Variants in SLC27A6 observed in about 807,000 individuals in gnomAD.
The protein encoded by SLC27A6 is solute carrier family 27 member 6, also known as long-chain fatty acid transport protein 6.
SLC27A6 carries 74 observed loss-of-function variants against 63.9 expected under a neutral mutation model. The ratio of observed to expected loss-of-function variants is 1.16; its 90% confidence interval spans 0.96 to 1.40. The LOEUF (loss-of-function observed/expected upper bound fraction) is 1.40, where lower values mean the gene tolerates loss of function less well. Among genes scored for constraint, SLC27A6 ranks in the 40% most tolerant of loss-of-function variants. SLC27A6 has a pLI of 0.00. For missense variants in SLC27A6, 794 were observed against 732.9 expected (o/e 1.08, Z -0.96); for synonymous variants, 287 against 260.8 (o/e 1.10, Z -0.97).
At chr5:128,966,700 C>A (rs980031295) in intron 1 of SLC27A6, 82 bp downstream of exon 1, 3 of 1,316,094 alleles carry the variant, frequency 2.3e-6, no homozygotes, top group East Asian at 2.7e-5. Context: ...TAGGATAATT[C>A]GTAACTAATA....
At chr5:129,010,412 G>C (rs1418054753) in intron 4 of SLC27A6, among the ~76,000 whole-genome samples, 2 of 152,214 alleles carry the variant, frequency 1.3e-5, no homozygotes, top group Non-Finnish European at 2.9e-5. Context: ...TTGCAGATGT[G>C]ATTACAGTTA....
intron 5 of SLC27A6, among the ~76,000 whole-genome samples, chr5:129,023,269 A>G (rs1054990798): frequency 6.6e-6 from 1 of 152,112 alleles, no homozygotes; most frequent in Non-Finnish European, 1.5e-5. Flanking sequence ...TTTTAAATAA[A>G]TGGCTGCAGA....
At chr5:128,988,976 T>C (rs1182965665) in intron 3 of SLC27A6, among the ~76,000 whole-genome samples, 1 of 152,182 alleles carries the variant, frequency 6.6e-6, no homozygotes, top group Non-Finnish European at 1.5e-5. Flanking sequence ...TTTGGCCATG[T>C]GGTCGGAGCT....
chr5:129,011,470 A>G (rs1379452533), intron 4 of SLC27A6, among the ~76,000 whole-genome samples: 1 of 152,208 alleles, frequency 6.6e-6, no homozygotes. Flanking sequence ...TACCTGCTCA[A>G]CACTTTGTCA....
chr5:129,030,345 C>G (rs916286161), intron 9 of SLC27A6, among the ~76,000 whole-genome samples: 1 of 151,848 alleles, frequency 6.6e-6, no homozygotes. Context: ...TATAATTTCC[C>G]AAAATTATTA....
At chr5:128,993,710 C>G (rs1322787136) in intron 4 of SLC27A6, among the ~76,000 whole-genome samples, 3 of 152,076 alleles carry the variant, frequency 2.0e-5, no homozygotes, top group Admixed American at 6.6e-5. Flanking sequence ...TTCTTTTTAA[C>G]TCTCTGAATC....
rs1391986997 is a variant in SLC27A6, at chr5:128,966,003, C to G, written c.-135C>G. 5.6e-6 allele frequency: 6 copies of G among 1,075,078 alleles called. No homozygotes were observed. Among genetic ancestry groups the G allele is most frequent in the South Asian group, 2.8e-5 (1 of 35,906 alleles). The allele number at this position is 1,075,078 out of a possible 1,614,324, so 66.6% of individuals were successfully genotyped here. ...GATTCCTCCCCATCCCGCTTCGCCC[C>G]GGAAAAGCTGACAAGAACTTCAGGT... On this transcript the variant is annotated 5_prime_UTR_variant, in exon 1 of 10. Transcript: ENST00000262462.
At chr5:128,977,570 A>G (rs1474776985) in intron 1 of SLC27A6, among the ~76,000 whole-genome samples, 1 of 152,214 alleles carries the variant, frequency 6.6e-6, no homozygotes, top group Non-Finnish European at 1.5e-5. Context: ...TAAGCCCTTC[A>G]GGCTTTTATG....
chr5:128,966,627 TGG>T lies in SLC27A6; in HGVS notation c.481+12_481+13del, dbSNP rs760101841. On this transcript the variant is annotated intron_variant, in intron 1 of 9. Coordinates refer to ENST00000262462, the MANE Select transcript of SLC27A6 (RefSeq NM_001017372.3). ...CCTAGTGGTGGGCGCAGGTAGAGTA[TGG>T]GGTGTGGTCTGCCTATACAGAATGG... The T allele has an allele frequency of 1.9e-5, 28 of 1,507,356 alleles. No individual in the cohort carries two copies. The highest frequency in any genetic ancestry group is 2.1e-5 in the Non-Finnish European group (24 of 1,136,836). 93.4% of individuals were successfully genotyped at this position (1,507,356 alleles called of 1,614,324 possible). A position where few individuals can be genotyped will look rare whatever the true frequency, so the allele number is the denominator to read the frequency against.
intron 1 of SLC27A6, among the ~76,000 whole-genome samples, chr5:128,973,729 A>C (rs966754212): frequency 6.6e-6 from 1 of 152,178 alleles, no homozygotes; most frequent in Non-Finnish European, 1.5e-5. Context: ...TGTGTTTCCC[A>C]GGTGAGGCGA....
intron 2 of SLC27A6, among the ~76,000 whole-genome samples, chr5:128,988,123 A>G (rs1307509256): frequency 6.6e-6 from 1 of 152,206 alleles, no homozygotes; most frequent in Non-Finnish European, 1.5e-5. Flanking sequence ...AAGTCAGAAG[A>G]TTATAGAGCA....
chr5:128,985,469 A>C, intron 2 of SLC27A6, 133 bp downstream of exon 2: 13 of 686,760 alleles, frequency 1.9e-5, no homozygotes, highest in Non-Finnish European at 3.0e-5. Flanking sequence ...TAAGGATCTC[A>C]GAGGCTAGAA....
At chr5:129,011,521 C>G (rs1751726983) in intron 4 of SLC27A6, among the ~76,000 whole-genome samples, 1 of 152,196 alleles carries the variant, frequency 6.6e-6, no homozygotes, top group South Asian at 2.1e-4. Context: ...AGCTGCTTGA[C>G]TGGCTCACCA....
chr5:128,985,240 C>T lies in SLC27A6; in HGVS notation c.589C>T (p.Leu197=), dbSNP rs763517608. The change falls in exon 2 of 10, where the codon CTG becomes TTG. Residue 197 remains leucine, a synonymous_variant. Transcript: ENST00000262462. ...PQGVISLKEK[L]STSPDEPVPR... ...AGGTGTAATTTCACTCAAAGAAAAA[C>T]TGAGCACCTCACCTGATGAGCCCGT... 31 of 1,613,904 alleles carry T rather than the reference C, an allele frequency of 1.9e-5. No homozygotes were observed. Among genetic ancestry groups the T allele is most frequent in the Non-Finnish European group, 1.7e-6 (2 of 1,179,950 alleles).
Position 128,966,044 on chromosome 5 carries a change from TG to T in SLC27A6, c.-93del. ...AACTTCAGGTGTAAGCCCTGAGTAG[TG>T]AGGATCTGCGGTCTCCGTGGAGAGC... On this transcript the variant is annotated 5_prime_UTR_variant, in exon 1 of 10. Transcript: ENST00000262462. The T allele has an allele frequency of 7.0e-7, 1 of 1,437,402 alleles. No homozygotes were observed. The highest frequency in any genetic ancestry group is 2.3e-5 in the East Asian group (1 of 43,070). 89.0% of individuals were successfully genotyped at this position (1,437,402 alleles called of 1,614,324 possible).
intron 9 of SLC27A6, among the ~76,000 whole-genome samples, chr5:129,030,564 G>T (rs1466534309): frequency 1.3e-5 from 2 of 151,782 alleles, no homozygotes. Context: ...TTTTGATTTT[G>T]AGTTTTTACA....
chr5:128,966,283 A>G lies in SLC27A6; in HGVS notation c.146A>G (p.Lys49Arg), dbSNP rs1749888856. ...ATAATTCGGCTGAAGAAGTATGAAAAGAGAGGGGAGCTGGTGACTGTGCTG... is the reference window on the plus strand; with the variant it reads ...ATAATTCGGCTGAAGAAGTATGAAAGGAGAGGGGAGCTGGTGACTGTGCTG... ...LIIIRLKKYE[K>R]RGELVTVLDK... Residue 49 changes from lysine (K) to arginine (R), a missense_variant, in exon 1 of 10, where the codon AAG becomes AGG. Coordinates refer to ENST00000262462, the MANE Select transcript of SLC27A6 (RefSeq NM_001017372.3). 1.2e-6 allele frequency: 2 copies of G among 1,613,870 alleles called. No individual in the cohort carries two copies. Among genetic ancestry groups the G allele is most frequent in the East Asian group, 4.5e-5 (2 of 44,902 alleles).
chr5:129,014,568 A>G (rs67904325), intron 4 of SLC27A6, among the ~76,000 whole-genome samples: 33,766 of 152,066 alleles, frequency 0.22, 3,815 homozygotes, highest in Middle Eastern at 0.29. Flanking sequence ...GAAGGACTCT[A>G]TTTTGTAAAA....
chr5:128,980,158 A>G (rs139777574), intron 1 of SLC27A6, among the ~76,000 whole-genome samples: 101 of 152,314 alleles, frequency 6.6e-4, no homozygotes, highest in Non-Finnish European at 8.8e-4. Flanking sequence ...GCTTGAGCTC[A>G]TTGTATGTCC....
Sources: gnomAD v4.1 joint callset for allele counts (sites outside exome capture counted in the v4.1 genomes callset) on GRCh38, gnomAD v4.1.1 for gene constraint, MANE v1.5 for transcripts, NCBI Gene and HGNC (gene_info 2026-07-23, HGNC 2026-07-21) for gene names.